CFAP58: variants seen among roughly 807,000 people sequenced by gnomAD.
CFAP58 encodes the protein cilia- and flagella-associated protein 58.
CFAP58 carries 88 observed loss-of-function variants against 119.5 expected under a neutral mutation model. That is an observed-to-expected ratio of 0.74 (90% confidence interval 0.62 to 0.88). CFAP58 has a LOEUF of 0.88. Ranked by LOEUF, CFAP58 falls within the 40% of genes least tolerant of loss-of-function variation. CFAP58 has a pLI of 0.00. For missense variants in CFAP58, 990 were observed against 1,021.2 expected, an observed-to-expected ratio of 0.97 and a Z score of 0.42; for synonymous variants, 365 against 366.3, an observed-to-expected ratio of 1.00 and a Z score of 0.04.
Position 104,354,129 on chromosome 10 carries a change from C to T in CFAP58, c.9+223C>T, listed in dbSNP as rs190286212. Among the ~76,000 whole-genome samples the T allele has an allele frequency of 5.9e-5, 9 of 152,300 alleles. No homozygotes were observed. The East Asian group carries it at 1.5e-3, about 26-fold the overall frequency. ...CACCCCACTATCCCCACTGTGGCATCGGCGCTATGCTAAGTGCGGTAGAAA... is the reference window on the plus strand; with the variant it reads ...CACCCCACTATCCCCACTGTGGCATTGGCGCTATGCTAAGTGCGGTAGAAA... On this transcript the variant is annotated intron_variant, in intron 1 of 17. Transcript: ENST00000369704.
chr10:104,348,408 C>T, the CFAP58 span, among the ~76,000 whole-genome samples: 1 of 152,164 alleles, frequency 6.6e-6, no homozygotes, highest in African/African-American at 2.4e-5. Flanking sequence ...TACTGTGTTA[C>T]AGCACGCACC....
intron 2 of CFAP58, among the ~76,000 whole-genome samples, chr10:104,359,968 T>A (rs2014644337): frequency 6.6e-6 from 1 of 152,244 alleles, no homozygotes; most frequent in Admixed American, 6.5e-5. Context: ...ATAGCACATA[T>A]GGTTGCTACA....
At chr10:104,389,687 A>C (rs563244399) in intron 9 of CFAP58, among the ~76,000 whole-genome samples, 1 of 152,286 alleles carries the variant, frequency 6.6e-6, no homozygotes, top group African/African-American at 2.4e-5. Context: ...AATGTGTCTT[A>C]TTCTTCTTTC....
chr10:104,353,891 C>A lies in CFAP58; in HGVS notation c.-7C>A. On this transcript the variant is annotated 5_prime_UTR_variant, in exon 1 of 18. Coordinates refer to ENST00000369704, the MANE Select transcript of CFAP58 (RefSeq NM_001008723.2). ...AGCCTCTGAGGCCGCCCCCAGAGAGCATCAGGATGGCTGAGGTCAGGAGTC... is the reference window on the plus strand; with the variant it reads ...AGCCTCTGAGGCCGCCCCCAGAGAGAATCAGGATGGCTGAGGTCAGGAGTC... 2 of 1,613,462 alleles carry A rather than the reference C, an allele frequency of 1.2e-6. No homozygotes were observed. The highest frequency in any genetic ancestry group is 1.7e-6 in the Non-Finnish European group (2 of 1,179,442).
intron 15 of CFAP58, among the ~76,000 whole-genome samples, chr10:104,434,572 C>T (rs1348274057): frequency 6.6e-6 from 1 of 152,216 alleles, no homozygotes; most frequent in Admixed American, 6.5e-5. Flanking sequence ...GTTCATCCCA[C>T]CCTTGAACAA....
the CFAP58 span, among the ~76,000 whole-genome samples, chr10:104,340,765 G>T: frequency 1.3e-5 from 2 of 152,154 alleles, no homozygotes; most frequent in Non-Finnish European, 2.9e-5. Flanking sequence ...AGGACCAGGG[G>T]TGAGTACCCA....
intron 9 of CFAP58, among the ~76,000 whole-genome samples, chr10:104,391,261 C>T (rs1317653222): frequency 6.6e-6 from 1 of 152,114 alleles, no homozygotes; most frequent in Non-Finnish European, 1.5e-5. Context: ...GATGTGGGCC[C>T]AGAGACATGG....
At chr10:104,407,068 T>C (rs1382991046) in intron 15 of CFAP58, among the ~76,000 whole-genome samples, 1 of 152,230 alleles carries the variant, frequency 6.6e-6, no homozygotes, top group Non-Finnish European at 1.5e-5. Context: ...CTCTACAGTT[T>C]TATTTATCAG....
the CFAP58 span, among the ~76,000 whole-genome samples, chr10:104,342,407 G>T: frequency 3.6e-3 from 542 of 152,280 alleles, 5 homozygotes; most frequent in African/African-American, 0.013. Flanking sequence ...GTGTTTATGT[G>T]TGAAGACTCT....
At chr10:104,451,407 G>A (rs565908592) in intron 17 of CFAP58, among the ~76,000 whole-genome samples, 44 of 152,178 alleles carry the variant, frequency 2.9e-4, no homozygotes, top group Non-Finnish European at 4.9e-4. Flanking sequence ...CCATCTTAAT[G>A]TGTAGGTCTA....
At chr10:104,409,956 C>T (rs2012435386) in intron 15 of CFAP58, among the ~76,000 whole-genome samples, 1 of 152,056 alleles carries the variant, frequency 6.6e-6, no homozygotes, top group African/African-American at 2.4e-5. Flanking sequence ...AAAATTCTAT[C>T]AGACTGAGTT....
intron 8 of CFAP58, among the ~76,000 whole-genome samples, chr10:104,377,160 A>T (rs966000059): frequency 6.6e-6 from 1 of 152,190 alleles, no homozygotes; most frequent in Non-Finnish European, 1.5e-5. Context: ...TGTTTTGTGG[A>T]TTCTGTTTTC....
intron 15 of CFAP58, among the ~76,000 whole-genome samples, chr10:104,443,251 TG>T (rs1378435520): frequency 6.6e-6 from 1 of 152,000 alleles, no homozygotes; most frequent in Non-Finnish European, 1.5e-5. Flanking sequence ...TCAGAAGCAG[TG>T]GTTATTGAAT....
intron 4 of CFAP58, 119 bp from the exon 5 acceptor site, chr10:104,365,695 G>A (rs2014733429): frequency 2.6e-6 from 2 of 782,886 alleles, no homozygotes; most frequent in Non-Finnish European, 4.1e-6. Context: ...TAGGGGAAAT[G>A]CTACTGCAAA....
rs2013253941 is a variant in CFAP58 at position 104,454,751 on chromosome 10, A to G, written c.*221A>G. On this transcript the variant is annotated 3_prime_UTR_variant, in exon 18 of 18. Transcript: ENST00000369704. ...TAATTCTCTCTGTTCAGTTAGGCTG[A>G]CCTATTGCATGAAGCAAATCTTTTG... is the stretch of plus-strand genomic sequence containing the variant. 2.0e-6 allele frequency: 1 copy of G among 496,180 alleles called. No homozygotes were observed. The highest frequency in any genetic ancestry group is 3.2e-5 in the South Asian group (1 of 31,030). The allele number at this position is 496,180 out of a possible 1,614,324, so 30.7% of individuals were successfully genotyped here.
chr10:104,378,994 C>A (rs1473903247), intron 8 of CFAP58, among the ~76,000 whole-genome samples: 1 of 151,032 alleles, frequency 6.6e-6, no homozygotes, highest in Non-Finnish European at 1.5e-5. Context: ...ACATGAGCAT[C>A]TGCATTTTTA....
intron 15 of CFAP58, among the ~76,000 whole-genome samples, chr10:104,427,488 A>G (rs1205890553): frequency 6.6e-6 from 1 of 152,158 alleles, no homozygotes; most frequent in East Asian, 1.9e-4. Context: ...ACTCTGTGAG[A>G]TGGATGTTGA....
rs1329445474 is a variant in CFAP58, at chr10:104,358,597, A to G, written c.266A>G (p.Gln89Arg). The G allele has an allele frequency of 6.2e-7, 1 of 1,613,498 alleles. No homozygotes were observed. Among genetic ancestry groups the G allele is most frequent in the South Asian group, 1.1e-5 (1 of 91,050 alleles). The change falls in exon 2 of 18, where the codon CAG becomes CGG. Residue 89 changes from glutamine (Q) to arginine (R), a missense_variant. Transcript: ENST00000369704. ...ATALKLSQDD[Q>R]TTIASLKKEI... Reference sequence around the variant, plus strand: ...GCCCTTAAGCTCTCTCAGGATGATCAGACCACCATTGCATCCCTAAAGAAG... The same window carrying G: ...GCCCTTAAGCTCTCTCAGGATGATCGGACCACCATTGCATCCCTAAAGAAG...
intron 15 of CFAP58, among the ~76,000 whole-genome samples, chr10:104,431,127 T>A (rs1384361088): frequency 1.3e-5 from 2 of 152,140 alleles, no homozygotes; most frequent in Non-Finnish European, 1.5e-5. Flanking sequence ...CTACTGGGAG[T>A]GGCAGAGAGT....
Sources: allele counts gnomAD v4.1 joint callset (sites outside exome capture counted in the v4.1 genomes callset), GRCh38; gene constraint gnomAD v4.1.1; transcripts MANE v1.5; gene names NCBI Gene and HGNC (gene_info 2026-07-23, HGNC 2026-07-21).